The following SLC4A4 variants were observed in gnomAD, a reference collection of about 807,000 sequenced individuals.
SLC4A4 encodes solute carrier family 4 member 4.
A neutral mutation model predicts 111.5 loss-of-function variants in SLC4A4; 27 were observed. That is an observed-to-expected ratio of 0.24 (90% CI 0.18 to 0.33). SLC4A4 has a LOEUF of 0.33. SLC4A4 is among the 10% of genes least tolerant of loss of function. The pLI is 1.00. For missense variants in SLC4A4, 909 were observed against 1,315.5 expected (o/e 0.69, Z 4.78); for synonymous variants, 443 against 463.4 (o/e 0.96, Z 0.57).
intron 2 of SLC4A4, among the ~76,000 whole-genome samples, chr4:71,153,243 T>C (rs4989304): frequency 1 from 151,639 of 151,766 alleles, 75,758 homozygotes; most frequent in Non-Finnish European, 1. Flanking sequence ...GCTTTATATT[T>C]TAAACAAGCT....
At chr4:71,069,056 C>T (rs1024866350) in intron 1 of SLC4A4, among the ~76,000 whole-genome samples, 2 of 152,176 alleles carry the variant, frequency 1.3e-5, no homozygotes, top group African/African-American at 4.8e-5. Flanking sequence ...TAGAGGGCAG[C>T]CTTTGGCTGA....
chr4:71,303,442 T>G (rs1725427579), intron 3 of SLC4A4, among the ~76,000 whole-genome samples: 1 of 152,236 alleles, frequency 6.6e-6, no homozygotes, highest in African/African-American at 2.4e-5. Flanking sequence ...TTAAAGGCAC[T>G]TTTTATCTTC....
At chr4:71,146,576 G>A (rs1321738924) in intron 2 of SLC4A4, among the ~76,000 whole-genome samples, 5 of 152,042 alleles carry the variant, frequency 3.3e-5, no homozygotes, top group Non-Finnish European at 7.4e-5. Context: ...TTATTGTGTG[G>A]GAGTCTAAGT....
intron 2 of SLC4A4, among the ~76,000 whole-genome samples, chr4:71,121,006 A>G: frequency 6.6e-6 from 1 of 152,174 alleles, no homozygotes; most frequent in Non-Finnish European, 1.5e-5. Flanking sequence ...CGCGCTCGGT[A>G]GGTCCCGCAC....
chr4:71,534,670 T>C (rs1734255541), intron 18 of SLC4A4, among the ~76,000 whole-genome samples: 1 of 152,146 alleles, frequency 6.6e-6, no homozygotes, highest in Non-Finnish European at 1.5e-5. Flanking sequence ...ACAGTCATCC[T>C]ACATCTGATT....
chr4:71,567,481 C>T (rs1325277480), intron 25 of SLC4A4, among the ~76,000 whole-genome samples: 1 of 151,652 alleles, frequency 6.6e-6, no homozygotes, highest in African/African-American at 2.4e-5. Context: ...TTTATTATGT[C>T]AGTCTTTTTG....
intron 1 of SLC4A4, among the ~76,000 whole-genome samples, chr4:71,085,520 A>C (rs1266723737): frequency 6.6e-6 from 1 of 152,038 alleles, no homozygotes; most frequent in African/African-American, 2.4e-5. Context: ...GTTTTCTTCT[A>C]GGGTTTTTAT....
intron 14 of SLC4A4, 84 bp downstream of exon 14, chr4:71,473,054 T>C: frequency 7.0e-7 from 1 of 1,420,890 alleles, no homozygotes; most frequent in Non-Finnish European, 9.9e-7. Flanking sequence ...TTCAACATGC[T>C]GTCATGGTCC....
chr4:71,398,155 C>A (rs1161294695), intron 7 of SLC4A4, among the ~76,000 whole-genome samples: 1 of 151,804 alleles, frequency 6.6e-6, no homozygotes, highest in East Asian at 1.9e-4. Context: ...CACGGTGGCA[C>A]AGGGCTGTAA....
chr4:71,434,369 A>C (rs1310070132), intron 7 of SLC4A4: 1 of 171,576 alleles, frequency 5.8e-6, no homozygotes, highest in African/African-American at 2.4e-5. Flanking sequence ...AAAAAACAAC[A>C]AAAAAAACCC....
chr4:71,065,615 G>T (rs1355004333), intron 1 of SLC4A4, among the ~76,000 whole-genome samples: 2 of 152,128 alleles, frequency 1.3e-5, no homozygotes, highest in African/African-American at 2.4e-5. Flanking sequence ...CAAAGGGTAC[G>T]TGTTGCTGGA....
intron 2 of SLC4A4, among the ~76,000 whole-genome samples, chr4:71,175,764 C>T (rs1354310551): frequency 6.6e-6 from 1 of 152,248 alleles, no homozygotes; most frequent in Admixed American, 6.5e-5. Flanking sequence ...AGGGCATAGC[C>T]AAACAAAAGG....
intron 6 of SLC4A4, among the ~76,000 whole-genome samples, chr4:71,383,339 G>A (rs1718338097): frequency 6.6e-6 from 1 of 152,166 alleles, no homozygotes; most frequent in Non-Finnish European, 1.5e-5. Context: ...TATGCAGTAA[G>A]TGAGACATCT....
In SLC4A4 at chr4:71,376,637, T is replaced by G. The variant is rs116802249; in HGVS notation, c.730+19450T>G. Among the ~76,000 whole-genome samples, 707 of 149,674 alleles carry G rather than the reference T, an allele frequency of 4.7e-3. 6 individuals are homozygous for G. Among genetic ancestry groups the G allele is most frequent in the African/African-American group, 0.016 (644 of 40,948 alleles). On this transcript the variant is annotated intron_variant, in intron 6 of 25. Transcript: ENST00000264485. Reference sequence around the variant, plus strand: ...ATATATACATATATTTAAATGTATTTTATTATTTATTTTTGAGTTGGAGTC... The same window carrying G: ...ATATATACATATATTTAAATGTATTGTATTATTTATTTTTGAGTTGGAGTC...
intron 3 of SLC4A4, among the ~76,000 whole-genome samples, chr4:71,298,198 T>A (rs1429957315): frequency 6.6e-6 from 1 of 152,210 alleles, no homozygotes; most frequent in Non-Finnish European, 1.5e-5. Flanking sequence ...TAGTAATAAA[T>A]GCCCCATGAG....
chr4:71,245,454 G>T (rs1308113208), intron 2 of SLC4A4, among the ~76,000 whole-genome samples: 3 of 152,128 alleles, frequency 2.0e-5, no homozygotes, highest in Non-Finnish European at 4.4e-5. Context: ...GGACAAAAAA[G>T]ATGGAGACAA....
chr4:71,085,994 C>T (rs1742156637), intron 1 of SLC4A4, among the ~76,000 whole-genome samples: 1 of 151,948 alleles, frequency 6.6e-6, no homozygotes, highest in African/African-American at 2.4e-5. Flanking sequence ...TGACCTTGGG[C>T]AGTATGGCCA....
In SLC4A4 at chr4:71,443,116, C is replaced by CTCTCTATATA. The variant is rs1198759861; in HGVS notation, c.965+2344_965+2345insCTCTATATAT. ...TCTCTCTCTCTCTCTCTCTCTCTCTCTATATATATATATATATATATATAT... is the reference window on the plus strand; with the variant it reads ...TCTCTCTCTCTCTCTCTCTCTCTCTCTCTCTATATATATATATATATATATATATATATAT... On this transcript the variant is annotated intron_variant, in intron 8 of 25. Coordinates refer to ENST00000264485, the MANE Select transcript of SLC4A4 (RefSeq NM_001098484.3). Among the ~76,000 whole-genome samples, 50 of 65,646 alleles carry CTCTCTATATA rather than the reference C, an allele frequency of 7.6e-4. 1 individual carries two copies. The highest frequency in any genetic ancestry group is 2.8e-3 in the East Asian group (5 of 1,818). The allele number at this position is 65,646 out of a possible 152,430, so 43.1% of individuals were successfully genotyped here.
intron 23 of SLC4A4, among the ~76,000 whole-genome samples, chr4:71,561,661 T>C (rs1736991549): frequency 6.6e-6 from 1 of 151,770 alleles, no homozygotes; most frequent in Non-Finnish European, 1.5e-5. Context: ...AACAGGTATA[T>C]AGATTTTGTT....
Sources: allele counts gnomAD v4.1 joint callset (sites outside exome capture counted in the v4.1 genomes callset), GRCh38; gene constraint gnomAD v4.1.1; transcripts MANE v1.5; gene names NCBI Gene and HGNC (gene_info 2026-07-23, HGNC 2026-07-21).